GABBR2: variants seen among roughly 807,000 people sequenced by gnomAD.
GABBR2 encodes the protein G-protein coupled receptor 51.
A neutral mutation model predicts 105.6 loss-of-function variants in GABBR2; 23 were observed. That is an observed-to-expected ratio of 0.22 (90% CI 0.16 to 0.31). The LOEUF (loss-of-function observed/expected upper bound fraction) is 0.31, where lower values mean the gene tolerates loss of function less well. Among genes scored for constraint, GABBR2 ranks in the 10% least tolerant of loss-of-function variants. GABBR2 has a pLI of 1.00. For missense variants in GABBR2, 734 were observed against 1,245.5 expected (o/e 0.59, Z 6.18); for synonymous variants, 478 against 499.7 (o/e 0.96, Z 0.58).
At chr9:98,406,699 C>T (rs1332477007) in intron 7 of GABBR2, among the ~76,000 whole-genome samples, 3 of 152,216 alleles carry the variant, frequency 2.0e-5, no homozygotes, top group East Asian at 1.9e-4. Flanking sequence ...CAGCAAAAAA[C>T]TAAGCTTCTT....
At position 98,388,710 on chromosome 9, in the gene GABBR2, C is replaced by A; in HGVS notation, c.1529+144G>T. 1.8e-6 allele frequency: 1 copy of A among 552,722 alleles called. No homozygotes were observed. The highest frequency in any genetic ancestry group is 3.2e-6 in the Non-Finnish European group (1 of 313,318). The allele number at this position is 552,722 out of a possible 1,614,324, so 34.2% of individuals were successfully genotyped here. A position where few individuals can be genotyped will look rare whatever the true frequency, so the allele number is the denominator to read the frequency against. ...ACATGCATGTAACACCTACAACATC[C>A]TAGCAACGGAGGAACACTTTGGGAA... On this transcript the variant is annotated intron_variant, in intron 10 of 18. Coordinates refer to ENST00000259455, the MANE Select transcript of GABBR2 (RefSeq NM_005458.8). The surrounding 1 kb of genome is among the most constrained non-coding windows in gnomAD (Gnocchi z 4.4).
intron 1 of GABBR2, among the ~76,000 whole-genome samples, chr9:98,602,250 G>T (rs889211267): frequency 6.6e-6 from 1 of 151,686 alleles, no homozygotes; most frequent in East Asian, 2.0e-4. Flanking sequence ...GAGGCAGATG[G>T]ATCATGAGGT....
At chr9:98,521,312 C>T (rs750092024) in intron 3 of GABBR2, among the ~76,000 whole-genome samples, 5 of 152,102 alleles carry the variant, frequency 3.3e-5, no homozygotes, top group South Asian at 2.1e-4. Flanking sequence ...GAAAGTAGTG[C>T]GGTGCTGCAG....
At chr9:98,613,371 T>C (rs1829534627) in intron 1 of GABBR2, among the ~76,000 whole-genome samples, 1 of 152,056 alleles carries the variant, frequency 6.6e-6, no homozygotes. Flanking sequence ...GCCCAGTAGA[T>C]TGCGGTTACA....
intron 6 of GABBR2, among the ~76,000 whole-genome samples, chr9:98,460,906 A>T (rs1826414094): frequency 6.6e-6 from 1 of 151,632 alleles, no homozygotes; most frequent in South Asian, 2.1e-4. Context: ...TAACTAGAGG[A>T]AAAAAAGATG....
chr9:98,587,704 C>A (rs1298599178), intron 1 of GABBR2, among the ~76,000 whole-genome samples: 2 of 152,196 alleles, frequency 1.3e-5, no homozygotes, highest in Non-Finnish European at 2.9e-5. Flanking sequence ...TCAATACCAT[C>A]TAAAATTGAA....
chr9:98,379,976 T>C (rs1330306684), intron 11 of GABBR2, among the ~76,000 whole-genome samples: 34 of 152,204 alleles, frequency 2.2e-4, no homozygotes, highest in Admixed American at 2.2e-3. Context: ...TTGACTTTTT[T>C]TTTTTTTCTG....
intron 3 of GABBR2, among the ~76,000 whole-genome samples, chr9:98,514,251 T>C (rs1211249284): frequency 3.0e-5 from 4 of 131,472 alleles, no homozygotes; most frequent in Non-Finnish European, 5.2e-5. Context: ...CTGGGGACTG[T>C]TGTGGGGTAG....
At chr9:98,550,642 G>A (rs1322244254) in intron 2 of GABBR2, among the ~76,000 whole-genome samples, 2 of 152,118 alleles carry the variant, frequency 1.3e-5, no homozygotes, top group Non-Finnish European at 2.9e-5. Flanking sequence ...AAAGACCTTG[G>A]ATTTGGACCT....
At chr9:98,578,107 T>C in intron 1 of GABBR2, 35 bp from the exon 2 acceptor site, 1 of 1,610,854 alleles carries the variant, frequency 6.2e-7, no homozygotes, top group South Asian at 1.1e-5. Context: ...AGGTCCAAAT[T>C]AGAAACAGCT....
chr9:98,291,336 A>G (rs1003150116), intron 18 of GABBR2, among the ~76,000 whole-genome samples: 2 of 152,192 alleles, frequency 1.3e-5, no homozygotes, highest in Non-Finnish European at 1.5e-5. Context: ...GACTGTCTGT[A>G]TTACTAAGGA....
chr9:98,615,180 A>G (rs75511136), intron 1 of GABBR2, among the ~76,000 whole-genome samples: 2,152 of 152,178 alleles, frequency 0.014, 51 homozygotes, highest in African/African-American at 0.049. Flanking sequence ...CCCCTGAATC[A>G]CCAGCCCCTA....
intron 1 of GABBR2, among the ~76,000 whole-genome samples, chr9:98,653,541 A>G (rs1056719107): frequency 6.6e-6 from 1 of 152,224 alleles, no homozygotes; most frequent in East Asian, 1.9e-4. Flanking sequence ...CCTAGGTAGA[A>G]TAAGTTTACC....
At chr9:98,479,948 C>T (rs1826880239) in intron 5 of GABBR2, among the ~76,000 whole-genome samples, 4 of 152,144 alleles carry the variant, frequency 2.6e-5, no homozygotes, top group Admixed American at 6.5e-5. Flanking sequence ...TATGTTAGGA[C>T]CATTTACTCT....
At chr9:98,646,931 G>A (rs1268045627) in intron 1 of GABBR2, among the ~76,000 whole-genome samples, 1 of 152,202 alleles carries the variant, frequency 6.6e-6, no homozygotes, top group Non-Finnish European at 1.5e-5. Context: ...CAGAATGGTT[G>A]TGTGACATCT....
At chr9:98,496,374 G>T in intron 4 of GABBR2, 39 bp downstream of exon 4, 2 of 1,283,068 alleles carry the variant, frequency 1.6e-6, no homozygotes, top group Non-Finnish European at 2.3e-6. Context: ...AGGGCATTGA[G>T]ATCAGTCTGC....
At chr9:98,299,504 G>T in intron 16 of GABBR2, 151 bp from the exon 17 acceptor site, 2 of 766,772 alleles carry the variant, frequency 2.6e-6, no homozygotes, top group Non-Finnish European at 4.3e-6. Context: ...TTGGTGAGGA[G>T]ATGCAGAAGG....
At chr9:98,351,306 C>T (rs554527718) in intron 13 of GABBR2, among the ~76,000 whole-genome samples, 77 of 152,174 alleles carry the variant, frequency 5.1e-4, no homozygotes, top group African/African-American at 1.8e-3. Flanking sequence ...GTTGTATATC[C>T]TTTGTTCCTT....
At chr9:98,328,084 G>C (rs937414060) in intron 13 of GABBR2, among the ~76,000 whole-genome samples, 1 of 148,360 alleles carries the variant, frequency 6.7e-6, no homozygotes, top group African/African-American at 2.5e-5. Context: ...TTAGGATAAA[G>C]TCTGTACTTC....
Sources: allele counts gnomAD v4.1 joint callset (sites outside exome capture counted in the v4.1 genomes callset), GRCh38; gene constraint gnomAD v4.1.1; non-coding constraint Gnocchi (gnomAD v3.1); transcripts MANE v1.5; gene names NCBI Gene and HGNC (gene_info 2026-07-23, HGNC 2026-07-21).